NOL4L: variants seen among roughly 807,000 people sequenced by gnomAD.
NOL4L encodes the protein nucleolar protein 4 like, also known as nucleolar protein 4-like.
Under a neutral mutation model 64.5 loss-of-function variants are expected in NOL4L, and 7 were observed. The ratio of observed to expected loss-of-function variants is 0.11; its 90% CI spans 0.06 to 0.20. The LOEUF (loss-of-function observed/expected upper bound fraction) is 0.20, where lower values mean the gene tolerates loss of function less well. Among genes scored for constraint, NOL4L ranks in the 10% least tolerant of loss-of-function variants. The pLI is 1.00. For missense variants in NOL4L, 680 were observed against 967.1 expected (o/e 0.70, Z 3.94); for synonymous variants, 413 against 401.0 (o/e 1.03, Z -0.36).
intron 2 of NOL4L, among the ~76,000 whole-genome samples, chr20:32,525,456 G>A (rs1419032238): frequency 1.3e-5 from 2 of 152,222 alleles, no homozygotes; most frequent in Non-Finnish European, 2.9e-5. Flanking sequence ...CCTCAGGCAG[G>A]TTATGTGTTT....
Position 32,542,192 on chromosome 20 carries a change from C to T in NOL4L, c.322-14279G>A, listed in dbSNP as rs189885507. On this transcript the variant is annotated intron_variant, in intron 1 of 10. Transcript: ENST00000621426. The stretch of plus-strand genomic sequence containing the variant: ...TGTCACTAACTAGTGCCTCCTCGGG[C>T]TAGCTGCTAGTCCAGGTTTCGGGGG... 9.2e-5 allele frequency among the ~76,000 whole-genome samples: 14 copies of T among 152,336 alleles called. No homozygotes were observed. In the East Asian group the frequency reaches 2.5e-3, roughly 27 times the overall value.
At chr20:32,478,273 A>ACACACACACACTCT (rs1373957221) in intron 4 of NOL4L, among the ~76,000 whole-genome samples, 9 of 143,332 alleles carry the variant, frequency 6.3e-5, no homozygotes, top group African/African-American at 2.4e-4. Flanking sequence ...ACACACACAC[A>ACACACACACACTCT]CTCTCTCTCT....
chr20:32,493,572 T>G (rs1468458384), intron 4 of NOL4L, among the ~76,000 whole-genome samples: 4 of 152,168 alleles, frequency 2.6e-5, no homozygotes, highest in Non-Finnish European at 5.9e-5. Flanking sequence ...GGACTTGTTT[T>G]TGAAGGTTGC....
At chr20:32,536,211 G>A (rs942540034) in intron 1 of NOL4L, 2 of 985,444 alleles carry the variant, frequency 2.0e-6, no homozygotes, top group African/African-American at 3.5e-5. Context: ...GGGCACCGCA[G>A]CCTAGGACAG....
chr20:32,453,263 T>C lies in NOL4L; in HGVS notation c.1497+41A>G, dbSNP rs1040207452. The C allele has an allele frequency of 2.5e-6, 4 of 1,595,808 alleles. No homozygotes were observed. The highest frequency in any genetic ancestry group is 2.3e-5 in the South Asian group (2 of 88,386). The stretch of plus-strand genomic sequence containing the variant: ...TGGGAGTGTGGCAGGAGGTCAGTAG[T>C]GGCACCGAGGGAAAGTGTGGGCCAG... On this transcript the variant is annotated intron_variant, in intron 8 of 10. Coordinates refer to ENST00000621426, the MANE Select transcript of NOL4L (RefSeq NM_001256798.2). This position sits in a 1 kb window ranked among gnomAD's most constrained non-coding sequence, Gnocchi z 5.6.
At chr20:32,475,103 G>A (rs1041288671) in intron 4 of NOL4L, 5 of 985,460 alleles carry the variant, frequency 5.1e-6, no homozygotes, top group Non-Finnish European at 6.0e-6. Flanking sequence ...CCCAGGGACC[G>A]GGGCTCACTC....
chr20:32,484,592 G>A (rs1041376260), intron 4 of NOL4L, among the ~76,000 whole-genome samples: 1 of 150,730 alleles, frequency 6.6e-6, no homozygotes, highest in Non-Finnish European at 1.5e-5. Context: ...GCCCGCCCCC[G>A]CCCCGCCGCC....
chr20:32,494,007 C>T (rs372237829), intron 4 of NOL4L, among the ~76,000 whole-genome samples: 91 of 152,292 alleles, frequency 6.0e-4, no homozygotes, highest in African/African-American at 2.0e-3. Context: ...AATCCCAGCA[C>T]TTTGGGAGGC....
chr20:32,546,301 T>A (rs1055457046), intron 1 of NOL4L, among the ~76,000 whole-genome samples: 5 of 151,862 alleles, frequency 3.3e-5, no homozygotes, highest in Non-Finnish European at 1.5e-5. Context: ...CAGGCTGGAG[T>A]GCAATGGCGC....
At chr20:32,496,629 C>T (rs1239194278) in intron 4 of NOL4L, among the ~76,000 whole-genome samples, 2 of 152,018 alleles carry the variant, frequency 1.3e-5, no homozygotes, top group African/African-American at 4.8e-5. Context: ...CAGCTCACTG[C>T]AACCTCTGCC....
chr20:32,547,520 G>C (rs527596043), intron 1 of NOL4L, among the ~76,000 whole-genome samples: 16 of 151,992 alleles, frequency 1.1e-4, no homozygotes, highest in African/African-American at 3.9e-4. Flanking sequence ...TGAACTCCTG[G>C]GCTCAAGTCA....
In NOL4L at chr20:32,452,293, C is replaced by G. The variant is rs575631370; in HGVS notation, c.1765G>C (p.Ala589Pro). 6.2e-7 allele frequency: 1 copy of G among 1,605,526 alleles called. No individual in the cohort carries two copies. The highest frequency in any genetic ancestry group is 2.2e-5 in the East Asian group (1 of 44,540). The change falls in exon 10 of 11, where the codon GCC becomes CCC. Residue 589 changes from alanine (A) to proline (P), a missense_variant. Coordinates refer to ENST00000621426, the MANE Select transcript of NOL4L (RefSeq NM_001256798.2). ...GLNYSYRGYG[A>P]LSSNLQPPAS... ...GGGGGCTGCAGGTTGCTGCTCAAGG[C>G]CCCGTACCCGCGGTAACTGTAGTTG...
intron 1 of NOL4L, among the ~76,000 whole-genome samples, chr20:32,568,526 A>G (rs774845164): frequency 2.0e-5 from 3 of 151,578 alleles, no homozygotes; most frequent in Non-Finnish European, 4.4e-5. Flanking sequence ...CACTCCCTAA[A>G]CACCTCCCTC....
Position 32,444,905 on chromosome 20 carries a change from A to G in NOL4L, c.*2691T>C, listed in dbSNP as rs1455237404. ...CAGAACCAGCTCTTTGGTGCCCTCC[A>G]AGTCGGGAGTAGGGGGAAGGGGTTG... On this transcript the variant is annotated 3_prime_UTR_variant, in exon 11 of 11. Coordinates refer to ENST00000621426, the MANE Select transcript of NOL4L (RefSeq NM_001256798.2). 1.3e-5 allele frequency: 2 copies of G among 151,888 alleles called. No individual in the cohort carries two copies. Among genetic ancestry groups the G allele is most frequent in the African/African-American group, 4.8e-5 (2 of 41,272 alleles). 9.4% of individuals were successfully genotyped at this position (151,888 alleles called of 1,614,324 possible).
At chr20:32,509,061 C>T (rs2017261917) in intron 4 of NOL4L, among the ~76,000 whole-genome samples, 2 of 152,164 alleles carry the variant, frequency 1.3e-5, no homozygotes, top group South Asian at 4.1e-4. Context: ...GCACAGCTTC[C>T]CTGACCCCTG....
intron 1 of NOL4L, among the ~76,000 whole-genome samples, chr20:32,531,060 T>C (rs747884429): frequency 1.3e-5 from 2 of 152,184 alleles, no homozygotes; most frequent in African/African-American, 4.8e-5. Context: ...TCAGGTAAAA[T>C]ACCCATGCAG....
At chr20:32,507,670 T>C (rs2017189371) in intron 4 of NOL4L, among the ~76,000 whole-genome samples, 1 of 152,206 alleles carries the variant, frequency 6.6e-6, no homozygotes, top group African/African-American at 2.4e-5. Flanking sequence ...TGAGATTTTT[T>C]CTTACCCAAA....
chr20:32,537,629 G>A (rs1210643969), intron 1 of NOL4L, among the ~76,000 whole-genome samples: 1 of 152,188 alleles, frequency 6.6e-6, no homozygotes, highest in African/African-American at 2.4e-5. Flanking sequence ...TGGATTCGTG[G>A]TGGCTGAAAT....
chr20:32,524,346 C>T (rs910340727), intron 2 of NOL4L, among the ~76,000 whole-genome samples: 3 of 152,264 alleles, frequency 2.0e-5, no homozygotes, highest in Admixed American at 6.5e-5. Context: ...TTATCCATTG[C>T]ACATGGCCAT....
Sources: allele counts gnomAD v4.1 joint callset (sites outside exome capture counted in the v4.1 genomes callset), GRCh38; gene constraint gnomAD v4.1.1; non-coding constraint Gnocchi (gnomAD v3.1); transcripts MANE v1.5; gene names NCBI Gene and HGNC (gene_info 2026-07-23, HGNC 2026-07-21).